Variants in PAPPA2 observed in about 807,000 individuals in gnomAD.
PAPPA2 encodes the protein pappalysin 2, also known as pappalysin-2.
A neutral mutation model predicts 176.4 loss-of-function variants in PAPPA2; 86 were observed. That is an observed-to-expected ratio of 0.49 (90% confidence interval 0.41 to 0.58). PAPPA2 has a LOEUF of 0.58. Among genes scored for constraint, PAPPA2 ranks in the 20% least tolerant of loss-of-function variants. PAPPA2 has a pLI of 0.00. For missense variants in PAPPA2, 2,073 were observed against 2,256.9 expected (o/e 0.92, Z 1.65); for synonymous variants, 809 against 852.2 (o/e 0.95, Z 0.88).
At chr1:176,747,471 AC>A (rs1364480236) in intron 14 of PAPPA2, among the ~76,000 whole-genome samples, 2 of 152,078 alleles carry the variant, frequency 1.3e-5, no homozygotes, top group African/African-American at 4.8e-5. Context: ...AGAAGTTTTG[AC>A]CCAGCTCCTA....
intron 3 of PAPPA2, among the ~76,000 whole-genome samples, chr1:176,670,564 G>C (rs1416814044): frequency 6.6e-6 from 1 of 152,158 alleles, no homozygotes; most frequent in Non-Finnish European, 1.5e-5. Flanking sequence ...TGGAATTCAA[G>C]GATCATGCAG....
intron 3 of PAPPA2, among the ~76,000 whole-genome samples, chr1:176,617,803 A>T (rs1014438782): frequency 1.2e-4 from 19 of 152,124 alleles, no homozygotes; most frequent in Non-Finnish European, 1.5e-5. Context: ...TGGGGTAGGT[A>T]CCCAGTAGTG....
At chr1:176,578,916 A>G (rs1040883302) in intron 2 of PAPPA2, among the ~76,000 whole-genome samples, 1 of 152,248 alleles carries the variant, frequency 6.6e-6, no homozygotes, top group African/African-American at 2.4e-5. Context: ...CCATAAAATA[A>G]GAACACCAAG....
chr1:176,583,453 A>C (rs1573077663), intron 2 of PAPPA2, among the ~76,000 whole-genome samples: 1 of 152,020 alleles, frequency 6.6e-6, no homozygotes, highest in Non-Finnish European at 1.5e-5. Flanking sequence ...TTTATGTATT[A>C]TCTTATTATT....
At chr1:176,766,490 A>G (rs1663970356) in intron 15 of PAPPA2, among the ~76,000 whole-genome samples, 1 of 152,246 alleles carries the variant, frequency 6.6e-6, no homozygotes, top group African/African-American at 2.4e-5. Context: ...ACTTTGGATT[A>G]AAAAATAAAC....
intron 3 of PAPPA2, among the ~76,000 whole-genome samples, chr1:176,627,376 C>A (rs1656091496): frequency 6.6e-6 from 1 of 152,138 alleles, no homozygotes; most frequent in African/African-American, 2.4e-5. Context: ...AATCTGACAG[C>A]TGGATGGGAT....
Position 176,764,482 on chromosome 1 carries a change from T to C in PAPPA2, c.4152-1184T>C, listed in dbSNP as rs369038732. On this transcript the variant is annotated intron_variant, in intron 14 of 22. Coordinates refer to ENST00000367662, the MANE Select transcript of PAPPA2 (RefSeq NM_020318.3). The stretch of plus-strand genomic sequence containing the variant: ...TAACTCAATCCAAATCGCACAGATG[T>C]TAAATGATGGGTCCAGGATTCAATT... Among the ~76,000 whole-genome samples the C allele has an allele frequency of 4.6e-5, 7 of 152,324 alleles. No individual in the cohort carries two copies. The East Asian group carries it at 9.6e-4, about 21-fold the overall frequency.
At chr1:176,567,302 G>A (rs960470522) in intron 2 of PAPPA2, among the ~76,000 whole-genome samples, 6 of 152,186 alleles carry the variant, frequency 3.9e-5, no homozygotes, top group African/African-American at 1.4e-4. Flanking sequence ...GTGGAAACTG[G>A]AATCCAAAGT....
intron 21 of PAPPA2, among the ~76,000 whole-genome samples, chr1:176,801,103 A>ACGCG (rs553667371): frequency 3.2e-5 from 4 of 124,240 alleles, no homozygotes; most frequent in African/African-American, 1.1e-4. Context: ...ACACACACAC[A>ACGCG]CGCACACACA....
intron 21 of PAPPA2, among the ~76,000 whole-genome samples, chr1:176,808,130 T>G (rs1245555105): frequency 6.7e-6 from 1 of 149,972 alleles, no homozygotes; most frequent in Non-Finnish European, 1.5e-5. Flanking sequence ...TGGCAATGGA[T>G]TCAGCTTATA....
At chr1:176,479,617 C>T (rs1347436693) in intron 1 of PAPPA2, among the ~76,000 whole-genome samples, 3 of 152,156 alleles carry the variant, frequency 2.0e-5, no homozygotes, top group Non-Finnish European at 4.4e-5. Flanking sequence ...TTTAAGGGGA[C>T]TGGCTTAGAG....
chr1:176,748,789 A>T (rs574044520), intron 14 of PAPPA2, among the ~76,000 whole-genome samples: 2 of 152,320 alleles, frequency 1.3e-5, no homozygotes, highest in Admixed American at 1.3e-4. Flanking sequence ...CAGTAATAAC[A>T]TGCTGTACAG....
chr1:176,595,312 C>T lies in PAPPA2; in HGVS notation c.1708C>T (p.His570Tyr). ...RYNISWQLSV[H>Y]QVHNSTLRHR... The stretch of plus-strand genomic sequence containing the variant: ...CAACATCAGCTGGCAGCTGAGCGTC[C>T]ACCAGGTCCACAATTCCACCCTGCG... Residue 570 changes from histidine (H) to tyrosine (Y), a missense_variant, in exon 3 of 23, where the codon CAC (histidine) becomes TAC (tyrosine). His to Tyr is a moderately conservative substitution (Grantham distance 83). Transcript: ENST00000367662. The T allele has an allele frequency of 1.2e-6, 2 of 1,614,200 alleles. No individual in the cohort carries two copies. Among genetic ancestry groups the T allele is most frequent in the Non-Finnish European group, 1.7e-6 (2 of 1,180,042 alleles).
intron 21 of PAPPA2, among the ~76,000 whole-genome samples, chr1:176,808,388 C>T (rs960938278): frequency 2.6e-5 from 4 of 152,022 alleles, no homozygotes; most frequent in African/African-American, 4.8e-5. Flanking sequence ...GTGCCCAGCT[C>T]GCATTTTGGG....
intron 1 of PAPPA2, among the ~76,000 whole-genome samples, chr1:176,552,004 G>A (rs1424812619): frequency 2.6e-5 from 4 of 152,080 alleles, no homozygotes; most frequent in Non-Finnish European, 1.5e-5. Flanking sequence ...TTTGTAAAAC[G>A]TGTCCAGTCA....
intron 3 of PAPPA2, among the ~76,000 whole-genome samples, chr1:176,626,684 A>G (rs139044544): frequency 6.6e-6 from 1 of 152,304 alleles, no homozygotes; most frequent in Non-Finnish European, 1.5e-5. Flanking sequence ...CATGGAGGTC[A>G]AAAGGGAGTG....
intron 4 of PAPPA2, among the ~76,000 whole-genome samples, chr1:176,688,459 T>A (rs1285557581): frequency 6.6e-6 from 1 of 152,246 alleles, no homozygotes; most frequent in African/African-American, 2.4e-5. Flanking sequence ...TAACAGGCAC[T>A]CTTGAAACAC....
chr1:176,730,331 A>G (rs749690419), intron 12 of PAPPA2, among the ~76,000 whole-genome samples: 1 of 151,492 alleles, frequency 6.6e-6, no homozygotes, highest in African/African-American at 2.4e-5. Context: ...TATTTTTTCC[A>G]ATTTTGAATT....
chr1:176,620,842 G>T (rs1413409632), intron 3 of PAPPA2, among the ~76,000 whole-genome samples: 5 of 152,128 alleles, frequency 3.3e-5, no homozygotes. Context: ...CAAAATTTAT[G>T]TATGTTGTCT....
Sources: allele counts gnomAD v4.1 joint callset (sites outside exome capture counted in the v4.1 genomes callset), GRCh38; gene constraint gnomAD v4.1.1; transcripts MANE v1.5; gene names NCBI Gene and HGNC (gene_info 2026-07-23, HGNC 2026-07-21).